The following TMEM182 variants were observed in gnomAD, a reference collection of about 807,000 sequenced individuals.
The protein encoded by TMEM182 is transmembrane protein 182.
In TMEM182, 20 loss-of-function variants were observed where a neutral mutation model predicts 26.8. That is an observed-to-expected ratio of 0.75 (90% CI 0.53 to 1.09). The LOEUF (loss-of-function observed/expected upper bound fraction) is 1.09, where lower values mean the gene tolerates loss of function less well. Ranked by LOEUF, TMEM182 falls within the 50% of genes least tolerant of loss-of-function variation. The pLI is 0.00. For missense variants in TMEM182, 277 were observed against 275.5 expected (o/e 1.01, Z -0.04); for synonymous variants, 109 against 102.2 (o/e 1.07, Z -0.40).
intron 3 of TMEM182, among the ~76,000 whole-genome samples, chr2:102,777,781 C>CT (rs548360716): frequency 0.014 from 1,828 of 130,554 alleles, 36 homozygotes; most frequent in African/African-American, 0.048. Context: ...TTCTCTTTTT[C>CT]TTTTTTTTTT....
chr2:102,814,668 C>T (rs1394848209), intron 4 of TMEM182, 80 bp from the exon 5 acceptor site: 14 of 1,272,748 alleles, frequency 1.1e-5, no homozygotes, highest in African/African-American at 3.0e-5. Context: ...GCTTGTCATC[C>T]GGTCAATGAT....
At chr2:102,757,570 C>T (rs572660424), upstream of TMEM182, 11 of 152,168 alleles carry the variant, frequency 7.2e-5, no homozygotes, top group Non-Finnish European at 1.5e-4. Flanking sequence ...GTGCCTGCCA[C>T]TTGGTAGAGT....
At chr2:102,766,412 G>A (rs569038958) in intron 3 of TMEM182, among the ~76,000 whole-genome samples, 5 of 152,212 alleles carry the variant, frequency 3.3e-5, no homozygotes, top group African/African-American at 2.4e-5. Flanking sequence ...ATTGGCACAC[G>A]TATTGGAACT....
At chr2:102,818,545 A>T (rs1206191819), downstream of TMEM182, among the ~76,000 whole-genome samples, 8 of 152,250 alleles carry the variant, frequency 5.3e-5, no homozygotes, top group East Asian at 1.6e-3. Context: ...TGAGAGTGGG[A>T]TGTATCAGAG....
At position 102,786,638 on chromosome 2, in the gene TMEM182, A is replaced by G. The variant is rs547800130; in HGVS notation, c.332-11225A>G. On this transcript the variant is annotated intron_variant, in intron 3 of 4. Coordinates refer to ENST00000412401, the MANE Select transcript of TMEM182 (RefSeq NM_144632.5). ...ATAAAGATTCTCCAGTGATTGTGACAGTGAGGTCAAGATCCTGGATTCATT... is the reference window on the plus strand; with the variant it reads ...ATAAAGATTCTCCAGTGATTGTGACGGTGAGGTCAAGATCCTGGATTCATT... 6.7e-4 allele frequency among the ~76,000 whole-genome samples: 102 copies of G among 152,330 alleles called. 1 individual carries two copies. In the South Asian group the frequency reaches 0.018, roughly 27 times the overall value.
At chr2:102,808,982 A>C (rs940072706) in intron 4 of TMEM182, among the ~76,000 whole-genome samples, 5 of 152,218 alleles carry the variant, frequency 3.3e-5, no homozygotes, top group Non-Finnish European at 7.3e-5. Flanking sequence ...TTGTGGCTAC[A>C]CTGATGTTTA....
chr2:102,787,607 C>G (rs1383489252), intron 3 of TMEM182, among the ~76,000 whole-genome samples: 1 of 152,156 alleles, frequency 6.6e-6, no homozygotes, highest in African/African-American at 2.4e-5. Context: ...AAAGAAGGGC[C>G]TTGAAGGATG....
chr2:102,826,801 C>T (rs150937950), intron 3 of TMEM182, among the ~76,000 whole-genome samples: 36 of 152,010 alleles, frequency 2.4e-4, no homozygotes, highest in South Asian at 1.2e-3. Flanking sequence ...CTTGAGGGAG[C>T]GGGTCGCAAT....
chr2:102,806,256 C>A (rs1275951862), intron 4 of TMEM182, among the ~76,000 whole-genome samples: 1 of 151,974 alleles, frequency 6.6e-6, no homozygotes, highest in African/African-American at 2.4e-5. Context: ...TTGACCTAGG[C>A]TAACGGTCTG....
downstream of TMEM182, among the ~76,000 whole-genome samples, chr2:102,821,861 GCCTGTAGT>G (rs1682922425): frequency 6.6e-6 from 1 of 151,928 alleles, no homozygotes; most frequent in South Asian, 2.1e-4. Context: ...GGTGGCAGGT[GCCTGTAGT>G]CCCAGCTACT....
intron 1 of TMEM182, among the ~76,000 whole-genome samples, chr2:102,748,958 A>T (rs1259372344): frequency 1.3e-5 from 2 of 152,208 alleles, no homozygotes; most frequent in Non-Finnish European, 2.9e-5. Flanking sequence ...GGATAACTCT[A>T]AAATAAATAA....
Position 102,815,429 on chromosome 2 carries a change from C to T in TMEM182, c.*461C>T. 1.0e-6 allele frequency: 1 copy of T among 990,732 alleles called. No individual in the cohort carries two copies. Among genetic ancestry groups the T allele is most frequent in the Non-Finnish European group, 1.2e-6 (1 of 833,576 alleles). 61.4% of individuals were successfully genotyped at this position (990,732 alleles called of 1,614,324 possible). A position where few individuals can be genotyped will look rare whatever the true frequency, so the allele number is the denominator to read the frequency against. On this transcript the variant is annotated 3_prime_UTR_variant, in exon 5 of 5. Transcript: ENST00000412401. The stretch of plus-strand genomic sequence containing the variant: ...TGCCCACACAGATAATATCCACATA[C>T]ACATTCACTGGCTCTTGTGAGCAAA...
At chr2:102,788,024 C>T (rs1316160908) in intron 3 of TMEM182, among the ~76,000 whole-genome samples, 3 of 152,134 alleles carry the variant, frequency 2.0e-5, no homozygotes, top group Non-Finnish European at 4.4e-5. Context: ...CACAGTGTCC[C>T]AGTGGGCTTT....
intron 3 of TMEM182, among the ~76,000 whole-genome samples, chr2:102,787,567 A>G (rs1340241831): frequency 1.3e-5 from 2 of 152,184 alleles, no homozygotes; most frequent in African/African-American, 4.8e-5. Context: ...TAGGAAGTCT[A>G]TTTATTCTAG....
chr2:102,816,124 G>C lies in TMEM182; in HGVS notation c.*1156G>C, dbSNP rs763186814. On this transcript the variant is annotated 3_prime_UTR_variant, in exon 5 of 5. Coordinates refer to ENST00000412401, the MANE Select transcript of TMEM182 (RefSeq NM_144632.5). ...TATTATTCAGTAGCATAGACATTTT[G>C]CATATCAAAGATGTTCATTTGGCAC... 3.6e-5 allele frequency: 35 copies of C among 985,226 alleles called. No homozygotes were observed. The highest frequency in any genetic ancestry group is 5.2e-4 in the Middle Eastern group (1 of 1,936). The allele number at this position is 985,226 out of a possible 1,614,324, so 61.0% of individuals were successfully genotyped here.
chr2:102,753,669 C>G (rs1398008127), intron 1 of TMEM182, among the ~76,000 whole-genome samples: 1 of 152,174 alleles, frequency 6.6e-6, no homozygotes, highest in African/African-American at 2.4e-5. Flanking sequence ...CCATGCTCAG[C>G]CAGTTCTTCA....
intron 3 of TMEM182, among the ~76,000 whole-genome samples, chr2:102,765,646 A>G (rs1680401635): frequency 6.6e-6 from 1 of 152,168 alleles, no homozygotes; most frequent in African/African-American, 2.4e-5. Context: ...ATACATTATA[A>G]TTTTTAGTTT....
chr2:102,757,940 G>A (rs942333727), upstream of TMEM182, among the ~76,000 whole-genome samples: 27 of 152,092 alleles, frequency 1.8e-4, no homozygotes, highest in African/African-American at 6.3e-4. Flanking sequence ...GATCTCATGA[G>A]AACTCACTCA....
At chr2:102,739,426 A>G (rs1410670011) in intron 1 of TMEM182, among the ~76,000 whole-genome samples, 3 of 152,106 alleles carry the variant, frequency 2.0e-5, no homozygotes, top group Non-Finnish European at 4.4e-5. Flanking sequence ...CCTCATGTCG[A>G]ATTGTAGTCC....
Sources: gnomAD v4.1 joint callset for allele counts (sites outside exome capture counted in the v4.1 genomes callset) on GRCh38, gnomAD v4.1.1 for gene constraint, MANE v1.5 for transcripts, NCBI Gene and HGNC (gene_info 2026-07-23, HGNC 2026-07-21) for gene names.